SPINK13: variants seen among roughly 807,000 people sequenced by gnomAD.
The protein encoded by SPINK13 is serine peptidase inhibitor Kazal type 13.
In SPINK13, 11 loss-of-function variants were observed where a neutral mutation model predicts 11.0. That is an observed-to-expected ratio of 1.00 (90% CI 0.63 to 1.65). The LOEUF (loss-of-function observed/expected upper bound fraction) is 1.65, where lower values mean the gene tolerates loss of function less well. SPINK13 is among the 40% of genes most tolerant of loss of function. The probability of loss-of-function intolerance (pLI) is 0.00; values close to 1 mark genes in which losing one functional copy is unlikely to be tolerated. For synonymous variants in SPINK13, 31 were observed against 35.6 expected (o/e 0.87, Z 0.46); for missense variants, 113 against 117.7 (o/e 0.96, Z 0.19).
At chr5:148,274,173 G>A (rs1341356863) in intron 2 of SPINK13, among the ~76,000 whole-genome samples, 174 bp from the exon 3 acceptor site, 2 of 151,982 alleles carry the variant, frequency 1.3e-5, no homozygotes, top group African/African-American at 4.8e-5. Flanking sequence ...AAGAAAAAGT[G>A]GATAAAGTAA....
At chr5:148,276,906 G>A (rs573595354) in intron 3 of SPINK13, among the ~76,000 whole-genome samples, 1 of 152,320 alleles carries the variant, frequency 6.6e-6, no homozygotes, top group Admixed American at 6.5e-5. Context: ...TCCTATCCAT[G>A]AGTATGGGAT....
intron 3 of SPINK13, among the ~76,000 whole-genome samples, chr5:148,281,120 G>A (rs963717039): frequency 3.3e-5 from 5 of 152,106 alleles, no homozygotes; most frequent in South Asian, 2.1e-4. Flanking sequence ...CAGTAATGGC[G>A]GACGCCCCTC....
intron 3 of SPINK13, among the ~76,000 whole-genome samples, chr5:148,280,497 A>C (rs1022535444): frequency 6.6e-6 from 1 of 151,990 alleles, no homozygotes; most frequent in African/African-American, 2.4e-5. Context: ...GTTGATGTTG[A>C]TACTATTGCT....
At chr5:148,275,530 T>C (rs1191878397) in intron 3 of SPINK13, among the ~76,000 whole-genome samples, 1 of 152,220 alleles carries the variant, frequency 6.6e-6, no homozygotes, top group Non-Finnish European at 1.5e-5. Flanking sequence ...AAATGGTATT[T>C]CTAGTTCTAG....
At chr5:148,284,923 C>T (rs1270285002) in intron 4 of SPINK13, among the ~76,000 whole-genome samples, 1 of 152,158 alleles carries the variant, frequency 6.6e-6, no homozygotes, top group African/African-American at 2.4e-5. Context: ...ACAGTCCATA[C>T]TCTTAAAAAG....
chr5:148,274,172 T>A (rs773879140), intron 2 of SPINK13, among the ~76,000 whole-genome samples, 175 bp from the exon 3 acceptor site: 11 of 152,154 alleles, frequency 7.2e-5, no homozygotes, highest in Non-Finnish European at 1.3e-4. Context: ...AAAGAAAAAG[T>A]GGATAAAGTA....
chr5:148,275,199 T>A (rs985418285), intron 3 of SPINK13, among the ~76,000 whole-genome samples: 1 of 152,220 alleles, frequency 6.6e-6, no homozygotes, highest in African/African-American at 2.4e-5. Flanking sequence ...GTGTTCTCAT[T>A]GTTCAACTCC....
At chr5:148,280,793 T>C (rs560477984) in intron 3 of SPINK13, among the ~76,000 whole-genome samples, 1 of 152,324 alleles carries the variant, frequency 6.6e-6, no homozygotes, top group South Asian at 2.1e-4. Flanking sequence ...GTCTATCCCT[T>C]AGCTGAGCTC....
intron 4 of SPINK13, among the ~76,000 whole-genome samples, chr5:148,284,111 TC>T (rs1448574325): frequency 6.6e-6 from 1 of 151,606 alleles, no homozygotes; most frequent in African/African-American, 2.4e-5. Flanking sequence ...CCTTCCTCCC[TC>T]CCTCCCTTTC....
chr5:148,273,236 A>C (rs1013539626), intron 2 of SPINK13, among the ~76,000 whole-genome samples: 19 of 152,002 alleles, frequency 1.2e-4, no homozygotes, highest in Admixed American at 7.2e-4. Flanking sequence ...CTTTATCAAA[A>C]ATCTTTTTAG....
In SPINK13 at chr5:148,271,269, T is replaced by C. The variant is rs139188324; in HGVS notation, c.70+1127T>C. On this transcript the variant is annotated intron_variant, in intron 2 of 4. Transcript: ENST00000398450. ...CTTTATTATTTTAAATATGCCTCAG[T>C]TGGATAGAATTGGATTAATCACAAT... is the stretch of plus-strand genomic sequence containing the variant. 3.3e-5 allele frequency among the ~76,000 whole-genome samples: 5 copies of C among 152,314 alleles called. No homozygotes were observed. The East Asian group carries it at 9.6e-4, about 29-fold the overall frequency.
At chr5:148,284,661 TAGG>T (rs1423079700) in intron 4 of SPINK13, among the ~76,000 whole-genome samples, 1 of 152,172 alleles carries the variant, frequency 6.6e-6, no homozygotes, top group Non-Finnish European at 1.5e-5. Context: ...TTTTGAACAA[TAGG>T]AGGAGAAGGG....
chr5:148,277,067 G>C (rs1470624333), intron 3 of SPINK13, among the ~76,000 whole-genome samples: 1 of 152,030 alleles, frequency 6.6e-6, no homozygotes, highest in Admixed American at 6.6e-5. Context: ...TCATGATTTG[G>C]CTCTCTGTTT....
At chr5:148,274,592 C>A (rs1033184844) in intron 3 of SPINK13, among the ~76,000 whole-genome samples, 2 of 151,950 alleles carry the variant, frequency 1.3e-5, no homozygotes, top group African/African-American at 4.8e-5. Context: ...TAAAAAAATA[C>A]AAAAATTAGC....
chr5:148,279,819 G>T (rs1015355134), intron 3 of SPINK13, among the ~76,000 whole-genome samples: 1 of 152,180 alleles, frequency 6.6e-6, no homozygotes, highest in African/African-American at 2.4e-5. Context: ...AAATTTGAAT[G>T]TTGGCCTGTC....
chr5:148,282,329 T>G (rs1756528585), intron 4 of SPINK13, 98 bp downstream of exon 4: 1 of 1,396,276 alleles, frequency 7.2e-7, no homozygotes, highest in Non-Finnish European at 9.6e-7. Flanking sequence ...TGATGCATAC[T>G]TTTTTTAAAA....
intron 1 of SPINK13, among the ~76,000 whole-genome samples, 174 bp from the exon 2 acceptor site, chr5:148,269,866 A>C (rs967273865): frequency 6.6e-6 from 1 of 152,002 alleles, no homozygotes; most frequent in African/African-American, 2.4e-5. Context: ...TATGTTTTTC[A>C]TCTTCCTCTT....
chr5:148,268,993 C>A (rs145855103), intron 1 of SPINK13, 105 bp downstream of exon 1: 1 of 152,488 alleles, frequency 6.6e-6, no homozygotes, highest in African/African-American at 2.4e-5. Flanking sequence ...TAACACCCTC[C>A]TTTTGTTTCC....
chr5:148,282,039 T>G (rs1430677617), intron 3 of SPINK13, 65 bp from the exon 4 acceptor site: 6 of 1,592,558 alleles, frequency 3.8e-6, no homozygotes, highest in Non-Finnish European at 5.2e-6. Flanking sequence ...GGGGCAGAAG[T>G]GACAGGAAGA....
Sources: gnomAD v4.1 joint callset for allele counts (sites outside exome capture counted in the v4.1 genomes callset) on GRCh38, gnomAD v4.1.1 for gene constraint, MANE v1.5 for transcripts, NCBI Gene and HGNC (gene_info 2026-07-23, HGNC 2026-07-21) for gene names.